TRABD2B: variants seen among roughly 807,000 people sequenced by gnomAD.
TRABD2B encodes TraB domain containing 2B.
Under a neutral mutation model 40.1 loss-of-function variants are expected in TRABD2B, and 14 were observed. That is an observed-to-expected ratio of 0.35 (90% CI 0.23 to 0.55). The LOEUF is 0.55. Ranked by LOEUF, TRABD2B falls within the 20% of genes least tolerant of loss-of-function variation. The pLI is 0.90. For missense variants in TRABD2B, 541 were observed against 648.6 expected, an observed-to-expected ratio of 0.83 and a Z score of 1.80; for synonymous variants, 263 against 277.0, an observed-to-expected ratio of 0.95 and a Z score of 0.50.
At chr1:47,870,339 T>G (rs547241627) in intron 2 of TRABD2B, among the ~76,000 whole-genome samples, 1 of 152,182 alleles carries the variant, frequency 6.6e-6, no homozygotes, top group Non-Finnish European at 1.5e-5. Flanking sequence ...CAGAGAAAAC[T>G]GATGGGAATT....
At chr1:47,972,986 A>G (rs1645703283) in intron 2 of TRABD2B, among the ~76,000 whole-genome samples, 1 of 152,108 alleles carries the variant, frequency 6.6e-6, no homozygotes, top group Admixed American at 6.5e-5. Context: ...CACACACTTC[A>G]TTCACCTTGT....
intron 4 of TRABD2B, among the ~76,000 whole-genome samples, chr1:47,793,729 A>G (rs986076589): frequency 6.6e-6 from 1 of 152,268 alleles, no homozygotes; most frequent in Admixed American, 6.5e-5. Context: ...AGAGGCAAAC[A>G]CAATATCCTG....
chr1:47,909,641 A>G (rs1001336306), intron 2 of TRABD2B, among the ~76,000 whole-genome samples: 4 of 150,074 alleles, frequency 2.7e-5, no homozygotes, highest in African/African-American at 9.8e-5. Context: ...ATGGGAACCA[A>G]TAGAATGAGA....
chr1:47,778,446 T>A lies in TRABD2B; in HGVS notation c.1079+8A>T. 6 of 1,534,156 alleles carry A rather than the reference T, an allele frequency of 3.9e-6. No individual in the cohort carries two copies. Among genetic ancestry groups the A allele is most frequent in the Non-Finnish European group, 5.2e-6 (6 of 1,145,080 alleles). ...GTGAGGGCCAAGGCACACCCAGATG[T>A]GGCTTACCTGTGTATGGCCTGCCCG... On this transcript the variant is annotated splice_region_variant and intron_variant, in intron 5 of 6. Transcript: ENST00000606738.
chr1:47,834,577 G>GTGCA (rs1553156381), intron 2 of TRABD2B, among the ~76,000 whole-genome samples: 19 of 142,480 alleles, frequency 1.3e-4, no homozygotes, highest in African/African-American at 4.7e-4. Context: ...ACACACACAC[G>GTGCA]CGCACACACA....
rs146863096 is a variant in TRABD2B at position 47,941,946 on chromosome 1, G to A, written c.666+52088C>T. 3.6e-3 allele frequency among the ~76,000 whole-genome samples: 546 copies of A among 152,362 alleles called. 6 individuals carry two copies. Among genetic ancestry groups the A allele is most frequent in the African/African-American group, 0.012 (503 of 41,582 alleles). On this transcript the variant is annotated intron_variant, in intron 2 of 6. Transcript: ENST00000606738. ...TGGAACAATGCCTGGGCTATTATAAGTGCCAATAAATGTTAGTCAATGGAA... is the reference window on the plus strand; with the variant it reads ...TGGAACAATGCCTGGGCTATTATAAATGCCAATAAATGTTAGTCAATGGAA...
At chr1:47,803,185 G>T (rs2124293778) in intron 2 of TRABD2B, among the ~76,000 whole-genome samples, 1 of 152,312 alleles carries the variant, frequency 6.6e-6, no homozygotes, top group Non-Finnish European at 1.5e-5. Context: ...GCCCCTCACT[G>T]GGGGTCCCAC....
chr1:47,920,533 T>C (rs1363510556), intron 2 of TRABD2B, among the ~76,000 whole-genome samples: 1 of 152,250 alleles, frequency 6.6e-6, no homozygotes, highest in Non-Finnish European at 1.5e-5. Flanking sequence ...GCTGCCTCTT[T>C]GGAAGCCACT....
In TRABD2B at chr1:47,868,525, G is replaced by A. The variant is rs75563726; in HGVS notation, c.667-66906C>T. On this transcript the variant is annotated intron_variant, in intron 2 of 6. Coordinates refer to ENST00000606738, the MANE Select transcript of TRABD2B (RefSeq NM_001194986.2). ...GAGCGAGCATTACCGCCTGAGCTTC[G>A]CCTCCTGTCCTATCAGCAGTCTCAT... 4.7e-3 allele frequency among the ~76,000 whole-genome samples: 711 copies of A among 152,284 alleles called. 6 individuals are homozygous for A. Among genetic ancestry groups the A allele is most frequent in the African/African-American group, 0.017 (696 of 41,550 alleles).
chr1:47,957,311 A>C (rs1315154134), intron 2 of TRABD2B, among the ~76,000 whole-genome samples: 2 of 152,246 alleles, frequency 1.3e-5, no homozygotes, highest in African/African-American at 2.4e-5. Context: ...TTCTCCTCCA[A>C]AGAAACGCAG....
intron 2 of TRABD2B, among the ~76,000 whole-genome samples, chr1:47,865,074 A>G (rs1224258566): frequency 2.0e-5 from 3 of 152,146 alleles, no homozygotes; most frequent in Non-Finnish European, 2.9e-5. Context: ...GACTCTGCAG[A>G]AAACCTGACT....
chr1:47,873,149 T>C (rs1047449357), intron 2 of TRABD2B, among the ~76,000 whole-genome samples: 7 of 152,124 alleles, frequency 4.6e-5, no homozygotes, highest in African/African-American at 1.7e-4. Flanking sequence ...ATTAATCCTA[T>C]CGTGAGGGCA....
chr1:47,838,740 T>C (rs1256593614), intron 2 of TRABD2B, among the ~76,000 whole-genome samples: 3 of 152,170 alleles, frequency 2.0e-5, no homozygotes, highest in Non-Finnish European at 4.4e-5. Context: ...GGCTGACAGA[T>C]ATGATGGCTG....
chr1:47,858,286 C>G (rs1456462327), intron 2 of TRABD2B, among the ~76,000 whole-genome samples: 1 of 149,358 alleles, frequency 6.7e-6, no homozygotes, highest in Non-Finnish European at 1.5e-5. Flanking sequence ...GAGACAGGGT[C>G]TTGCTCCATC....
At chr1:47,980,350 TGA>T (rs1645823745) in intron 2 of TRABD2B, among the ~76,000 whole-genome samples, 1 of 152,094 alleles carries the variant, frequency 6.6e-6, no homozygotes, top group Admixed American at 6.5e-5. Flanking sequence ...TGTATACAAT[TGA>T]GTATATGCAA....
chr1:47,920,558 G>A (rs1006503003), intron 2 of TRABD2B, among the ~76,000 whole-genome samples: 2 of 152,230 alleles, frequency 1.3e-5, no homozygotes, highest in Non-Finnish European at 2.9e-5. Flanking sequence ...AAGCTGAAAA[G>A]CATTCTTTAG....
intron 2 of TRABD2B, among the ~76,000 whole-genome samples, chr1:47,948,554 C>A (rs144013873): frequency 2.6e-5 from 4 of 152,228 alleles, no homozygotes; most frequent in Middle Eastern, 3.4e-3. Context: ...CTCTTTCCAA[C>A]CCTTTAGGTT....
intron 2 of TRABD2B, among the ~76,000 whole-genome samples, chr1:47,830,807 G>A (rs1645237976): frequency 6.6e-6 from 1 of 152,126 alleles, no homozygotes; most frequent in Admixed American, 6.5e-5. Context: ...GAGACTCTCT[G>A]GGGGACACTA....
chr1:47,772,863 T>A (rs766679534), intron 6 of TRABD2B, among the ~76,000 whole-genome samples: 10 of 152,136 alleles, frequency 6.6e-5, no homozygotes, highest in Admixed American at 1.3e-4. Context: ...TGCCAGGCGG[T>A]GGTGGAAACT....
Sources: gnomAD v4.1 joint callset for allele counts (sites outside exome capture counted in the v4.1 genomes callset) on GRCh38, gnomAD v4.1.1 for gene constraint, MANE v1.5 for transcripts, NCBI Gene and HGNC (gene_info 2026-07-23, HGNC 2026-07-21) for gene names.